SIL1: variants seen among roughly 807,000 people sequenced by gnomAD.
SIL1 encodes the protein SIL1 nucleotide exchange factor.
A neutral mutation model predicts 49.1 loss-of-function variants in SIL1; 40 were observed. The observed-to-expected ratio is 0.81, with a 90% CI of 0.63 to 1.06. The LOEUF is 1.06. Among genes scored for constraint, SIL1 ranks in the 50% least tolerant of loss-of-function variants. The probability of loss-of-function intolerance (pLI) is 0.00; values close to 1 mark genes in which losing one functional copy is unlikely to be tolerated. For synonymous variants in SIL1, 253 were observed against 250.8 expected, an observed-to-expected ratio of 1.01 and a Z score of -0.08; for missense variants, 500 against 572.6, an observed-to-expected ratio of 0.87 and a Z score of 1.29.
At chr5:139,004,707 T>A (rs955907385) in intron 7 of SIL1, among the ~76,000 whole-genome samples, 1 of 152,158 alleles carries the variant, frequency 6.6e-6, no homozygotes, top group African/African-American at 2.4e-5. Flanking sequence ...TCAACCTAAC[T>A]GTCCATTAAT....
Position 138,946,853 on chromosome 5 carries a change from T to A in SIL1, c.*264A>T. The A allele has an allele frequency of 1.9e-6, 1 of 531,286 alleles. No individual in the cohort carries two copies. Among genetic ancestry groups the A allele is most frequent in the Non-Finnish European group, 3.4e-6 (1 of 292,410 alleles). 32.9% of individuals were successfully genotyped at this position (531,286 alleles called of 1,614,324 possible). A position where few individuals can be genotyped will look rare whatever the true frequency, so the allele number is the denominator to read the frequency against. ...GAGACTTGCAACTCCTGGGCCCAGGTTCCTGCCCTGGAGCCTGTTCCTGGA... is the reference window on the plus strand; with the variant it reads ...GAGACTTGCAACTCCTGGGCCCAGGATCCTGCCCTGGAGCCTGTTCCTGGA... On this transcript the variant is annotated 3_prime_UTR_variant, in exon 10 of 10. Transcript: ENST00000394817.
chr5:139,043,708 A>T (rs1769094240), intron 4 of SIL1, among the ~76,000 whole-genome samples: 1 of 152,246 alleles, frequency 6.6e-6, no homozygotes, highest in Non-Finnish European at 1.5e-5. Context: ...AGCTGATCCA[A>T]GCCACAGCTA....
intron 7 of SIL1, among the ~76,000 whole-genome samples, chr5:138,987,217 C>A (rs1281636508): frequency 6.6e-6 from 1 of 151,276 alleles, no homozygotes; most frequent in Non-Finnish European, 1.5e-5. Flanking sequence ...TTAAGTGATC[C>A]TCCCACCTCA....
chr5:139,098,647 T>C (rs1373424301), intron 3 of SIL1, among the ~76,000 whole-genome samples: 1 of 151,900 alleles, frequency 6.6e-6, no homozygotes, highest in Non-Finnish European at 1.5e-5. Context: ...ATCGACAAGG[T>C]GAAGAGACAA....
At chr5:139,123,730 C>A (rs554136666) in intron 2 of SIL1, among the ~76,000 whole-genome samples, 17 of 152,324 alleles carry the variant, frequency 1.1e-4, no homozygotes, top group African/African-American at 3.1e-4. Context: ...AGTGGTGGGA[C>A]TGCAGAAACT....
intron 3 of SIL1, among the ~76,000 whole-genome samples, chr5:139,099,498 C>T (rs1486720044): frequency 6.6e-6 from 1 of 152,066 alleles, no homozygotes; most frequent in African/African-American, 2.4e-5. Flanking sequence ...CAGCACTGTT[C>T]ACAATAGCCA....
intron 3 of SIL1, among the ~76,000 whole-genome samples, chr5:139,056,554 T>G (rs1769433802): frequency 2.3e-5 from 3 of 131,852 alleles, no homozygotes; most frequent in Admixed American, 7.6e-5. Context: ...GGTGGGGGGG[T>G]CAGCCCCCCG....
At chr5:139,102,175 CA>C (rs1178955007) in intron 3 of SIL1, among the ~76,000 whole-genome samples, 2 of 152,168 alleles carry the variant, frequency 1.3e-5, no homozygotes, top group Non-Finnish European at 2.9e-5. Context: ...TATATTCATA[CA>C]CTTGAATATA....
chr5:139,111,850 C>T (rs546806955), intron 3 of SIL1, among the ~76,000 whole-genome samples: 4 of 151,540 alleles, frequency 2.6e-5, no homozygotes, highest in East Asian at 1.9e-4. Flanking sequence ...CCACTCCCCA[C>T]GGTCTCCCTC....
intron 7 of SIL1, among the ~76,000 whole-genome samples, chr5:138,967,015 T>G (rs1326529813): frequency 1.3e-5 from 2 of 152,228 alleles, no homozygotes; most frequent in Non-Finnish European, 2.9e-5. Flanking sequence ...TCGAGTGAGA[T>G]AGGGCAGGTG....
At chr5:138,967,331 T>G (rs1272442239) in intron 7 of SIL1, among the ~76,000 whole-genome samples, 2 of 152,222 alleles carry the variant, frequency 1.3e-5, no homozygotes, top group African/African-American at 2.4e-5. Context: ...GCCATCTGCA[T>G]TTTAACAAGG....
intron 1 of SIL1, chr5:139,133,425 C>T (rs1321067249): frequency 6.6e-6 from 1 of 152,272 alleles, no homozygotes; most frequent in Non-Finnish European, 1.5e-5. Context: ...CTCAGTGCCT[C>T]ATGTCTTCCA....
intron 5 of SIL1, among the ~76,000 whole-genome samples, chr5:139,042,090 C>G (rs920295352): frequency 2.6e-5 from 4 of 152,206 alleles, no homozygotes; most frequent in African/African-American, 7.2e-5. Context: ...AAATTTAGAG[C>G]TGGAGGAAAC....
chr5:139,100,328 G>A (rs1228708326), intron 3 of SIL1, among the ~76,000 whole-genome samples: 1 of 152,200 alleles, frequency 6.6e-6, no homozygotes, highest in South Asian at 2.1e-4. Context: ...GTCCCAAGGT[G>A]TGACAGCCTG....
At chr5:139,189,505 G>A (rs1752131171) in intron 1 of SIL1, among the ~76,000 whole-genome samples, 1 of 152,206 alleles carries the variant, frequency 6.6e-6, no homozygotes, top group Non-Finnish European at 1.5e-5. Context: ...ATGGTGAGTT[G>A]TATATTTCAT....
At chr5:139,112,722 G>A (rs1420888388) in intron 3 of SIL1, among the ~76,000 whole-genome samples, 3 of 151,136 alleles carry the variant, frequency 2.0e-5, no homozygotes, top group Non-Finnish European at 4.4e-5. Context: ...CGGGAGGTGG[G>A]GGGCGCCTCT....
At chr5:138,973,065 G>A (rs1767316056) in intron 7 of SIL1, among the ~76,000 whole-genome samples, 1 of 152,132 alleles carries the variant, frequency 6.6e-6, no homozygotes, top group South Asian at 2.1e-4. Flanking sequence ...CCACCTGGCT[G>A]AAGGGATCTG....
At chr5:139,085,580 G>A (rs1483630591) in intron 3 of SIL1, among the ~76,000 whole-genome samples, 1 of 152,186 alleles carries the variant, frequency 6.6e-6, no homozygotes, top group African/African-American at 2.4e-5. Context: ...ACTAGGCTGG[G>A]AGAAAGGAAG....
At position 139,003,495 on chromosome 5, in the gene SIL1, A is replaced by G. The variant is rs1768037653; in HGVS notation, c.767+17676T>C. On this transcript the variant is annotated intron_variant, in intron 7 of 9. Transcript: ENST00000394817. ...AAATTTCACAGATTTCCTTGAGCAG[A>G]TGTTTCTTTATTTACTCTTTGCCCT... is the stretch of plus-strand genomic sequence containing the variant. Among the ~76,000 whole-genome samples, 5 of 152,204 alleles carry G rather than the reference A, an allele frequency of 3.3e-5. No individual in the cohort carries two copies. In the South Asian group the frequency reaches 1.0e-3, roughly 32 times the overall value.
Sources: allele counts gnomAD v4.1 joint callset (sites outside exome capture counted in the v4.1 genomes callset), GRCh38; gene constraint gnomAD v4.1.1; transcripts MANE v1.5; gene names NCBI Gene and HGNC (gene_info 2026-07-23, HGNC 2026-07-21).